Variants in SLC13A1 observed in about 807,000 individuals in gnomAD.
SLC13A1 encodes the protein Na(+)/sulfate cotransporter.
Under a neutral mutation model 70.0 loss-of-function variants are expected in SLC13A1, and 65 were observed. The observed-to-expected ratio is 0.93, with a 90% CI of 0.76 to 1.14. The LOEUF is 1.14. Ranked by LOEUF, SLC13A1 falls within the 50% of genes most tolerant of loss-of-function variation. SLC13A1 has a pLI of 0.00. For missense variants in SLC13A1, 726 were observed against 717.8 expected (o/e 1.01, Z -0.13); for synonymous variants, 275 against 250.5 (o/e 1.10, Z -0.92).
intron 6 of SLC13A1, chr7:123,149,636 G>A (rs116657125): frequency 6.5e-4 from 295 of 456,346 alleles, no homozygotes; most frequent in African/African-American, 5.3e-3. Context: ...GAAATGAAAT[G>A]CAAAAATACC....
chr7:123,177,654 A>G (rs2116596749), intron 2 of SLC13A1, among the ~76,000 whole-genome samples: 1 of 152,200 alleles, frequency 6.6e-6, no homozygotes, highest in South Asian at 2.1e-4. Context: ...CCTCTTCTGC[A>G]ATAGTCATGC....
At chr7:123,123,066 C>G in intron 12 of SLC13A1, 60 bp downstream of exon 12, 1 of 1,277,668 alleles carries the variant, frequency 7.8e-7, no homozygotes, top group Admixed American at 1.7e-5. Flanking sequence ...TTGAATGTCT[C>G]TGTGCTCTTC....
At chr7:123,132,987 T>C (rs553039017) in intron 8 of SLC13A1, among the ~76,000 whole-genome samples, 97 of 152,346 alleles carry the variant, frequency 6.4e-4, no homozygotes, top group African/African-American at 2.1e-3. Flanking sequence ...AAGTTGTCTT[T>C]GAATGCATGT....
intron 10 of SLC13A1, among the ~76,000 whole-genome samples, chr7:123,128,547 T>C (rs1406404970): frequency 1.3e-5 from 2 of 152,146 alleles, no homozygotes; most frequent in Non-Finnish European, 2.9e-5. Flanking sequence ...TGTGCTGTTA[T>C]ATTTCAGGGA....
chr7:123,159,080 G>A (rs1301918233), intron 6 of SLC13A1, among the ~76,000 whole-genome samples: 1 of 151,912 alleles, frequency 6.6e-6, no homozygotes, highest in Non-Finnish European at 1.5e-5. Context: ...AGGAATAATA[G>A]ACTAGAACTA....
chr7:123,183,528 C>T (rs1293291793), intron 1 of SLC13A1, among the ~76,000 whole-genome samples: 1 of 152,108 alleles, frequency 6.6e-6, no homozygotes, highest in Non-Finnish European at 1.5e-5. Flanking sequence ...CCTATTTGCT[C>T]CGCCTTTCAA....
chr7:123,121,072 A>C (rs1004393408), intron 12 of SLC13A1, among the ~76,000 whole-genome samples: 3 of 151,980 alleles, frequency 2.0e-5, no homozygotes, highest in African/African-American at 4.8e-5. Flanking sequence ...AATGCCTGTT[A>C]GTTGACTGTT....
chr7:123,153,492 T>C (rs1443639679), intron 6 of SLC13A1, among the ~76,000 whole-genome samples: 2 of 151,978 alleles, frequency 1.3e-5, no homozygotes, highest in Non-Finnish European at 2.9e-5. Flanking sequence ...TTTTACCGAG[T>C]GCTTGTGTTC....
At chr7:123,173,690 A>T (rs1165070205) in intron 2 of SLC13A1, among the ~76,000 whole-genome samples, 1 of 152,144 alleles carries the variant, frequency 6.6e-6, no homozygotes, top group Non-Finnish European at 1.5e-5. Context: ...TCTGATGAGG[A>T]CCAGGAATCT....
At chr7:123,186,264 G>T (rs1795795825) in intron 1 of SLC13A1, among the ~76,000 whole-genome samples, 1 of 151,924 alleles carries the variant, frequency 6.6e-6, no homozygotes. Flanking sequence ...ATTCACACAT[G>T]CACACAAAGA....
chr7:123,189,655 C>G (rs139228831), intron 1 of SLC13A1, among the ~76,000 whole-genome samples: 3 of 152,094 alleles, frequency 2.0e-5, no homozygotes, highest in African/African-American at 4.8e-5. Flanking sequence ...ATGAACTTCT[C>G]TATTCTTTTA....
chr7:123,188,076 G>A (rs1795870554), intron 1 of SLC13A1, among the ~76,000 whole-genome samples: 1 of 152,272 alleles, frequency 6.6e-6, no homozygotes, highest in South Asian at 2.1e-4. Context: ...ATGCTACCCA[G>A]GTGTCAAGGG....
chr7:123,170,855 A>G (rs1202309431), intron 3 of SLC13A1, among the ~76,000 whole-genome samples: 1 of 152,052 alleles, frequency 6.6e-6, no homozygotes, highest in African/African-American at 2.4e-5. Flanking sequence ...CTGGGACTAC[A>G]GGGATGAGCC....
chr7:123,147,895 C>A (rs1794419112), intron 6 of SLC13A1, among the ~76,000 whole-genome samples: 2 of 152,090 alleles, frequency 1.3e-5, no homozygotes, highest in African/African-American at 4.8e-5. Context: ...CCACTACTCC[C>A]AAAGCTTTTC....
chr7:123,149,394 G>A (rs976690297), intron 6 of SLC13A1: 1 of 446,048 alleles, frequency 2.2e-6, no homozygotes, highest in African/African-American at 2.0e-5. Flanking sequence ...TAAGTCTAAG[G>A]TGGTAGATAG....
chr7:123,171,962 C>A (rs1795290988), intron 2 of SLC13A1, 58 bp from the exon 3 acceptor site: 8 of 1,501,094 alleles, frequency 5.3e-6, no homozygotes, highest in Non-Finnish European at 7.3e-6. Context: ...TAACATTGCA[C>A]AAGAAAGACA....
Position 123,178,017 on chromosome 7 carries a change from T to TTCTCTC in SLC13A1, c.228+2950_228+2955dup, listed in dbSNP as rs146835273. On this transcript the variant is annotated intron_variant, in intron 2 of 14. Coordinates refer to ENST00000194130, the MANE Select transcript of SLC13A1 (RefSeq NM_022444.4). The stretch of plus-strand genomic sequence containing the variant: ...TAACATAACACCTATATCTCTCTCT[T>TTCTCTC]TCTCTCTCTCTCTCTCTATATATAT... Among the ~76,000 whole-genome samples the TTCTCTC allele has an allele frequency of 3.5e-3, 519 of 148,952 alleles. 1 individual carries two copies. Among genetic ancestry groups the TTCTCTC allele is most frequent in the Non-Finnish European group, 4.3e-3 (287 of 67,194 alleles).
At chr7:123,173,745 A>G (rs777002494) in intron 2 of SLC13A1, among the ~76,000 whole-genome samples, 3 of 152,018 alleles carry the variant, frequency 2.0e-5, no homozygotes, top group African/African-American at 4.8e-5. Context: ...ACCATCACGT[A>G]TTTTGCACCT....
At chr7:123,193,726 C>T (rs944479188) in intron 1 of SLC13A1, among the ~76,000 whole-genome samples, 2 of 152,116 alleles carry the variant, frequency 1.3e-5, no homozygotes, top group African/African-American at 4.8e-5. Flanking sequence ...AGTTTCTGTT[C>T]TGTAAAATTG....
Sources: gnomAD v4.1 joint callset for allele counts (sites outside exome capture counted in the v4.1 genomes callset) on GRCh38, gnomAD v4.1.1 for gene constraint, MANE v1.5 for transcripts, NCBI Gene and HGNC (gene_info 2026-07-23, HGNC 2026-07-21) for gene names.